Variants in ASF1B observed in about 807,000 individuals in gnomAD.
ASF1B encodes histone chaperone ASF1B.
Under a neutral mutation model 16.6 loss-of-function variants are expected in ASF1B, and 10 were observed. That is an observed-to-expected ratio of 0.60 (90% CI 0.37 to 1.02). The LOEUF is 1.02. Among genes scored for constraint, ASF1B ranks in the 50% least tolerant of loss-of-function variants. The pLI is 0.01. For missense variants in ASF1B, 240 were observed against 266.0 expected (o/e 0.90, Z 0.68); for synonymous variants, 101 against 106.2 (o/e 0.95, Z 0.30).
Position 14,120,206 on chromosome 19 carries a change from T to C in ASF1B, c.*253A>G. ...GCACAGTGGCCTTAGTTAGAATTTATGAAGACGAAAAGAACACAAGTCAGA... is the reference window on the plus strand; with the variant it reads ...GCACAGTGGCCTTAGTTAGAATTTACGAAGACGAAAAGAACACAAGTCAGA... On this transcript the variant is annotated 3_prime_UTR_variant, in exon 4 of 4. Coordinates refer to ENST00000263382, the MANE Select transcript of ASF1B (RefSeq NM_018154.3). 1 of 473,630 alleles carries C rather than the reference T, an allele frequency of 2.1e-6. No individual in the cohort carries two copies. Among genetic ancestry groups the C allele is most frequent in the Non-Finnish European group, 3.7e-6 (1 of 268,464 alleles). 29.3% of individuals were successfully genotyped at this position (473,630 alleles called of 1,614,324 possible). A position where few individuals can be genotyped will look rare whatever the true frequency, so the allele number is the denominator to read the frequency against.
chr19:14,136,063 T>C (rs1211051227), intron 1 of ASF1B, among the ~76,000 whole-genome samples: 1 of 71,460 alleles, frequency 1.4e-5, no homozygotes, highest in Non-Finnish European at 2.9e-5. Context: ...GGGCGGGCAG[T>C]GGGGGAAGAG....
chr19:14,135,755 C>T (rs1036162769), intron 1 of ASF1B, among the ~76,000 whole-genome samples: 7 of 151,830 alleles, frequency 4.6e-5, no homozygotes, highest in Non-Finnish European at 7.4e-5. Flanking sequence ...TGGGATTTCC[C>T]CCGGGGAAAA....
intron 1 of ASF1B, 113 bp downstream of exon 1, chr19:14,136,235 G>A: frequency 7.4e-6 from 6 of 810,988 alleles, no homozygotes; most frequent in Non-Finnish European, 1.2e-5. Context: ...GGGGTTGGCG[G>A]AAGGGGGACG....
intron 1 of ASF1B, among the ~76,000 whole-genome samples, chr19:14,134,285 A>C (rs914421053): frequency 1.3e-5 from 2 of 152,076 alleles, no homozygotes; most frequent in African/African-American, 4.8e-5. Context: ...GCCTTGTTCC[A>C]GAAAGGATTT....
chr19:14,126,335 C>T (rs1163503521), intron 1 of ASF1B, 98 bp from the exon 2 acceptor site: 11 of 761,430 alleles, frequency 1.4e-5, no homozygotes, highest in African/African-American at 7.1e-5. Flanking sequence ...GATGGAGTCT[C>T]GTTCTGTCAC....
intron 2 of ASF1B, 100 bp from the exon 3 acceptor site, chr19:14,121,808 T>C: frequency 1.8e-6 from 2 of 1,122,260 alleles, no homozygotes; most frequent in South Asian, 1.8e-5. Context: ...GAGCAAAAAG[T>C]ATGCTCTCTG....
intron 1 of ASF1B, among the ~76,000 whole-genome samples, chr19:14,134,029 C>T (rs1047973425): frequency 3.4e-4 from 51 of 152,120 alleles, no homozygotes; most frequent in African/African-American, 1.2e-3. Context: ...TGGTCTCGAT[C>T]TCCTGACCTC....
At position 14,136,397 on chromosome 19, in the gene ASF1B, G is replaced by A. The variant is rs777187193; in HGVS notation, c.60C>T (p.Ser20=). 4 of 1,613,756 alleles carry A rather than the reference G, an allele frequency of 2.5e-6. No individual in the cohort carries two copies. Among genetic ancestry groups the A allele is most frequent in the Non-Finnish European group, 3.4e-6 (4 of 1,179,802 alleles). The change falls in exon 1 of 4, where the codon AGC becomes AGT. Residue 20 remains serine, a synonymous_variant. Transcript: ENST00000263382. Reference sequence around the variant, plus strand: ...CGAAGCTGATCTCGAACCGGAAGGGGCTGTGGAAAGGGCTCGGGTTCTCCA... The same window carrying A: ...CGAAGCTGATCTCGAACCGGAAGGGACTGTGGAAAGGGCTCGGGTTCTCCA... ...AVLENPSPFH[S]PFRFEISFEC... is the part of the protein sequence containing the mutation.
chr19:14,136,353 G>T lies in ASF1B; in HGVS notation c.104C>A (p.Ala35Glu). The T allele has an allele frequency of 2.5e-6, 4 of 1,612,968 alleles. No homozygotes were observed. Among genetic ancestry groups the T allele is most frequent in the Non-Finnish European group, 3.4e-6 (4 of 1,179,228 alleles). Residue 35 changes from alanine to glutamate, a missense_variant, in exon 1 of 4, where the codon GCG (alanine) becomes GAG (glutamate). Ala to Glu is a moderately radical substitution (Grantham distance 107, BLOSUM62 -1). Coordinates refer to ENST00000263382, the MANE Select transcript of ASF1B (RefSeq NM_018154.3). Reference protein sequence around the residue: ...EISFECSEALADDLEWKIIYV... With the variant: ...EISFECSEALEDDLEWKIIYV... ...CCGCACAGGCCCAGCCTCACCGTCC[G>T]CCAGGGCTTCACTGCACTCGAAGCT... is the stretch of plus-strand genomic sequence containing the variant.
At chr19:14,123,248 G>C (rs1462570896) in intron 2 of ASF1B, among the ~76,000 whole-genome samples, 1 of 152,088 alleles carries the variant, frequency 6.6e-6, no homozygotes, top group Non-Finnish European at 1.5e-5. Context: ...TGGCTGAAGG[G>C]GTTAGATAGG....
At chr19:14,124,658 C>T (rs1373478224) in intron 2 of ASF1B, among the ~76,000 whole-genome samples, 1 of 152,152 alleles carries the variant, frequency 6.6e-6, no homozygotes, top group Admixed American at 6.5e-5. Flanking sequence ...CTGTTCCCAC[C>T]TAGAGTTACC....
chr19:14,132,610 A>C (rs1287388013), intron 1 of ASF1B, among the ~76,000 whole-genome samples: 1 of 152,154 alleles, frequency 6.6e-6, no homozygotes, highest in Non-Finnish European at 1.5e-5. Context: ...ACTTGCGATC[A>C]GGTTTGAGAC....
At chr19:14,128,794 G>A (rs914265812) in intron 1 of ASF1B, among the ~76,000 whole-genome samples, 4 of 152,172 alleles carry the variant, frequency 2.6e-5, no homozygotes, top group African/African-American at 9.7e-5. Context: ...GACACAACTG[G>A]AATCAAGTTT....
chr19:14,130,668 G>C (rs188303816), intron 1 of ASF1B, among the ~76,000 whole-genome samples: 1 of 151,772 alleles, frequency 6.6e-6, no homozygotes, highest in Non-Finnish European at 1.5e-5. Context: ...TACACATGAC[G>C]TGTGTACCTA....
intron 1 of ASF1B, among the ~76,000 whole-genome samples, chr19:14,130,847 A>C (rs1028302106): frequency 5.9e-5 from 9 of 151,492 alleles, no homozygotes; most frequent in African/African-American, 2.2e-4. Flanking sequence ...CAATTAGTAT[A>C]GCTGAACTAG....
chr19:14,122,696 C>T (rs1211773573), intron 2 of ASF1B, among the ~76,000 whole-genome samples: 2 of 152,286 alleles, frequency 1.3e-5, no homozygotes, highest in Admixed American at 1.3e-4. Flanking sequence ...GAATCAATCC[C>T]ACAAATGACT....
Position 14,130,664 on chromosome 19 carries a change from T to G in ASF1B, c.110-4427A>C, listed in dbSNP as rs773924619. Among the ~76,000 whole-genome samples the G allele has an allele frequency of 9.9e-5, 15 of 152,044 alleles. No individual in the cohort carries two copies. In the East Asian group the frequency reaches 2.9e-3, roughly 29 times the overall value. On this transcript the variant is annotated intron_variant, in intron 1 of 3. Coordinates refer to ENST00000263382, the MANE Select transcript of ASF1B (RefSeq NM_018154.3). ...TGAGTACAGGACACAGCTGTACACA[T>G]GACGTGTGTACCTAACCTTCTGAGC...
chr19:14,132,133 T>C (rs180698173), intron 1 of ASF1B, among the ~76,000 whole-genome samples: 1 of 146,790 alleles, frequency 6.8e-6, no homozygotes, highest in East Asian at 2.2e-4. Context: ...GCTCATGCAA[T>C]CCTCCCACTT....
At chr19:14,121,501 G>C (rs763162136) in intron 3 of ASF1B, 31 bp downstream of exon 3, 1 of 1,605,476 alleles carries the variant, frequency 6.2e-7, no homozygotes, top group African/African-American at 1.3e-5. Context: ...GAACGGCCTT[G>C]TGGGAAGCAG....
Sources: gnomAD v4.1 joint callset for allele counts (sites outside exome capture counted in the v4.1 genomes callset) on GRCh38, gnomAD v4.1.1 for gene constraint, MANE v1.5 for transcripts, NCBI Gene and HGNC (gene_info 2026-07-23, HGNC 2026-07-21) for gene names.